CHD9: variants seen among roughly 807,000 people sequenced by gnomAD.
The protein encoded by CHD9 is ATP-dependent chromatin remodeler CHD9.
CHD9 carries 77 observed loss-of-function variants against 316.1 expected under a neutral mutation model. The ratio of observed to expected loss-of-function variants is 0.24; its 90% CI spans 0.20 to 0.29. The LOEUF is 0.29. Among genes scored for constraint, CHD9 ranks in the 10% least tolerant of loss-of-function variants. The pLI, the probability that CHD9 is intolerant of heterozygous loss-of-function variation, is 1.00. For missense variants in CHD9, 2,763 were observed against 3,438.1 expected (o/e 0.80, Z 4.91); for synonymous variants, 1,129 against 1,158.3 (o/e 0.97, Z 0.51).
intron 19 of CHD9, among the ~76,000 whole-genome samples, chr16:53,261,053 G>T: frequency 7.1e-6 from 1 of 140,704 alleles, no homozygotes; most frequent in African/African-American, 2.7e-5. Context: ...TACAAAATTA[G>T]TTTTTCAGTA....
intron 37 of CHD9, among the ~76,000 whole-genome samples, chr16:53,318,765 GAAC>G (rs1173206739): frequency 6.6e-6 from 1 of 152,148 alleles, no homozygotes; most frequent in African/African-American, 2.4e-5. Flanking sequence ...ACAGTACATA[GAAC>G]AACCCCCTAC....
chr16:53,267,658 C>T (rs1160241154), intron 21 of CHD9, among the ~76,000 whole-genome samples, 168 bp downstream of exon 21: 1 of 152,248 alleles, frequency 6.6e-6, no homozygotes, highest in East Asian at 1.9e-4. Flanking sequence ...AGATTATCCT[C>T]AAGTATTTAA....
intron 17 of CHD9, among the ~76,000 whole-genome samples, chr16:53,251,975 C>T (rs989957939): frequency 1.3e-5 from 2 of 152,068 alleles, no homozygotes; most frequent in Non-Finnish European, 2.9e-5. Context: ...GCCCATACTG[C>T]CAAAAGCAAT....
chr16:53,255,561 T>TA (rs560659101), intron 18 of CHD9, 39 bp from the exon 19 acceptor site: 188 of 1,571,264 alleles, frequency 1.2e-4, no homozygotes, highest in Middle Eastern at 1.7e-4. Flanking sequence ...TTATGAACTT[T>TA]AAAAAAAACT....
At chr16:53,095,722 G>A (rs1476030867) in intron 1 of CHD9, among the ~76,000 whole-genome samples, 1 of 152,136 alleles carries the variant, frequency 6.6e-6, no homozygotes, top group Non-Finnish European at 1.5e-5. Flanking sequence ...ATGTTCCATG[G>A]GAATTTACTG....
rs749488754 is a variant in CHD9, at chr16:53,090,282, T to A, written c.-165+35205T>A. On this transcript the variant is annotated intron_variant, in intron 1 of 38. Transcript: ENST00000447540. ...AGCTGAGTGTGAGAACAAAATGAGC[T>A]TCCTGACCGAGCCTGGGAGAAGGAT... Among the ~76,000 whole-genome samples the A allele has an allele frequency of 2.6e-5, 4 of 152,296 alleles. No homozygotes were observed. The East Asian group carries it at 7.7e-4, about 29-fold the overall frequency.
intron 2 of CHD9, among the ~76,000 whole-genome samples, chr16:53,158,946 T>G (rs570995399): frequency 1.1e-4 from 16 of 152,318 alleles, no homozygotes; most frequent in African/African-American, 3.8e-4. Flanking sequence ...CTTAAGTGTT[T>G]TTATTAATTA....
At chr16:53,255,369 G>A (rs1738900552) in intron 18 of CHD9, among the ~76,000 whole-genome samples, 1 of 152,022 alleles carries the variant, frequency 6.6e-6, no homozygotes, top group Admixed American at 6.6e-5. Flanking sequence ...CAACCCTTAG[G>A]CCTTGTTTTA....
rs1269927697 is a variant in CHD9, at chr16:53,273,695, T to A, written c.4787T>A (p.Ile1596Lys). The stretch of plus-strand genomic sequence containing the variant: ...AAAACTCAAACAAGCTCATTTGATA[T>A]ACAAAAAGCAGAATGGCTTCGAAAA... ...KVKTQTSSFD[I>K]QKAEWLRKYN... is the part of the protein sequence containing the mutation. Residue 1596 changes from isoleucine (I) to lysine (K), a missense_variant, in exon 23 of 39, where the codon ATA (isoleucine) becomes AAA (lysine). Physicochemically the swap from Ile to Lys is moderately radical, Grantham distance 102. This residue lies in a region of CHD9 where 99 missense variants were observed against 131.6 expected (regional missense o/e 0.75). Transcript: ENST00000447540. The A allele has an allele frequency of 6.2e-7, 1 of 1,613,284 alleles. No homozygotes were observed. The highest frequency in any genetic ancestry group is 8.5e-7 in the Non-Finnish European group (1 of 1,179,574).
Position 53,243,025 on chromosome 16 carries a change from CT to C in CHD9, c.3054+11del, listed in dbSNP as rs1327600050. The stretch of plus-strand genomic sequence containing the variant: ...TGAAACTCATGAATCTGGTAAGTAA[CT>C]TAATATTATCATTATGACAATTGAG... On this transcript the variant is annotated intron_variant, in intron 13 of 38. Coordinates refer to ENST00000447540, the MANE Select transcript of CHD9 (RefSeq NM_001308319.2). The C allele has an allele frequency of 6.4e-7, 1 of 1,557,090 alleles. No individual in the cohort carries two copies. The highest frequency in any genetic ancestry group is 8.8e-7 in the Non-Finnish European group (1 of 1,134,300).
chr16:53,179,402 A>G (rs967030222), intron 2 of CHD9, among the ~76,000 whole-genome samples: 31 of 152,226 alleles, frequency 2.0e-4, no homozygotes, highest in African/African-American at 7.2e-4. Context: ...TAAAAACACT[A>G]TTTAAAATTG....
Position 53,198,390 on chromosome 16 carries a change from G to T in CHD9, c.1453-11092G>T, listed in dbSNP as rs372727440. On this transcript the variant is annotated intron_variant, in intron 2 of 38. Coordinates refer to ENST00000447540, the MANE Select transcript of CHD9 (RefSeq NM_001308319.2). Reference sequence around the variant, plus strand: ...CTAGAGTACAGTGGCGTAGTGGTGCGATCTTGGCTCACTGCAACCTCCGCC... The same window carrying T: ...CTAGAGTACAGTGGCGTAGTGGTGCTATCTTGGCTCACTGCAACCTCCGCC... Among the ~76,000 whole-genome samples the T allele has an allele frequency of 5.4e-5, 8 of 149,234 alleles. No homozygotes were observed. The East Asian group carries it at 1.6e-3, about 30-fold the overall frequency.
intron 1 of CHD9, among the ~76,000 whole-genome samples, chr16:53,146,467 CAAT>C (rs1399282617): frequency 8.9e-6 from 1 of 112,488 alleles, no homozygotes; most frequent in South Asian, 2.8e-4. Context: ...TGGTGCACAA[CAAT>C]GAGAATATAC....
chr16:53,198,035 A>G (rs2045090530), intron 2 of CHD9, among the ~76,000 whole-genome samples: 3 of 151,972 alleles, frequency 2.0e-5, no homozygotes, highest in Non-Finnish European at 4.4e-5. Context: ...AGCCAATTAT[A>G]TTTTCTCAAG....
At chr16:53,291,963 G>A (rs1441608756) in intron 28 of CHD9, among the ~76,000 whole-genome samples, 196 bp downstream of exon 28, 1 of 152,232 alleles carries the variant, frequency 6.6e-6, no homozygotes, top group Non-Finnish European at 1.5e-5. Flanking sequence ...TTCAGGCAGT[G>A]ACTCACTGAG....
At chr16:53,105,294 T>A (rs2037248962) in intron 1 of CHD9, among the ~76,000 whole-genome samples, 1 of 152,198 alleles carries the variant, frequency 6.6e-6, no homozygotes, top group Non-Finnish European at 1.5e-5. Flanking sequence ...CAGTTTCTTA[T>A]GGGCCTTTCC....
chr16:53,260,915 T>G (rs1174263971), intron 19 of CHD9, among the ~76,000 whole-genome samples: 1 of 152,202 alleles, frequency 6.6e-6, no homozygotes, highest in Non-Finnish European at 1.5e-5. Flanking sequence ...TATTTCAAGG[T>G]CCTTAACTTA....
At chr16:53,315,082 TTA>T (rs1238847300) in intron 36 of CHD9, 38 bp downstream of exon 36, 3 of 1,447,006 alleles carry the variant, frequency 2.1e-6, no homozygotes, top group African/African-American at 1.4e-5. Context: ...TATTTTATTT[TTA>T]TGAGTTGTCA....
intron 1 of CHD9, among the ~76,000 whole-genome samples, chr16:53,070,238 CAGA>C (rs1596870992): frequency 6.6e-6 from 1 of 151,808 alleles, no homozygotes. Flanking sequence ...TTTGAATGCA[CAGA>C]AGTTTTTAAT....
Sources: gnomAD v4.1 joint callset for allele counts (sites outside exome capture counted in the v4.1 genomes callset) on GRCh38, gnomAD v4.1.1 for gene constraint, gnomAD v4.1.1 regional missense constraint, MANE v1.5 for transcripts, NCBI Gene and HGNC (gene_info 2026-07-23, HGNC 2026-07-21) for gene names.